SBF2: variants seen among roughly 807,000 people sequenced by gnomAD.
SBF2 encodes SET binding factor 2.
In SBF2, 112 loss-of-function variants were observed where a neutral mutation model predicts 225.2. That is an observed-to-expected ratio of 0.50 (90% CI 0.43 to 0.58). The LOEUF (loss-of-function observed/expected upper bound fraction) is 0.58, where lower values mean the gene tolerates loss of function less well. Ranked by LOEUF, SBF2 falls within the 20% of genes least tolerant of loss-of-function variation. The pLI is 0.00. For missense variants in SBF2, 1,996 were observed against 2,206.2 expected (o/e 0.90, Z 1.91); for synonymous variants, 763 against 773.3 (o/e 0.99, Z 0.22).
At chr11:10,126,886 C>T (rs966111973) in intron 2 of SBF2, among the ~76,000 whole-genome samples, 2 of 151,962 alleles carry the variant, frequency 1.3e-5, no homozygotes, top group African/African-American at 4.8e-5. Context: ...ACTTGCTATA[C>T]CATGGATGAC....
At chr11:10,168,110 A>G (rs561226241) in intron 2 of SBF2, among the ~76,000 whole-genome samples, 15 of 152,344 alleles carry the variant, frequency 9.8e-5, no homozygotes, top group African/African-American at 3.6e-4. Context: ...CACATACTAC[A>G]TAATTTACTA....
At chr11:10,078,793 T>G (rs1198848971) in intron 2 of SBF2, among the ~76,000 whole-genome samples, 1 of 151,872 alleles carries the variant, frequency 6.6e-6, no homozygotes, top group African/African-American at 2.4e-5. Context: ...AAAAACAAAT[T>G]TAAAAAAATT....
At chr11:9,781,448 G>A in intron 39 of SBF2, 59 bp downstream of exon 39, 3 of 1,604,348 alleles carry the variant, frequency 1.9e-6, no homozygotes, top group African/African-American at 2.7e-5. Flanking sequence ...CATCATTCTT[G>A]GAGACAGACA....
intron 3 of SBF2, among the ~76,000 whole-genome samples, chr11:10,031,494 A>C (rs1949257730): frequency 6.6e-6 from 1 of 152,202 alleles, no homozygotes; most frequent in South Asian, 2.1e-4. Flanking sequence ...ATAGTGACCC[A>C]ATTAAAAATT....
At chr11:9,942,907 GAAAGAAAGAAAGAA>G (rs768489791) in intron 16 of SBF2, among the ~76,000 whole-genome samples, 7 of 45,618 alleles carry the variant, frequency 1.5e-4, no homozygotes, top group Admixed American at 5.4e-4. Flanking sequence ...GAGAGAGAAA[GAAAGAAAGAAAGAA>G]AGAAAGAAAG....
intron 33 of SBF2, among the ~76,000 whole-genome samples, chr11:9,794,999 A>G (rs1004241988): frequency 1.3e-5 from 2 of 152,212 alleles, no homozygotes; most frequent in African/African-American, 4.8e-5. Context: ...CTTGGAATTA[A>G]GAGTCCTCTT....
At chr11:9,800,268 T>C (rs1051429539) in intron 32 of SBF2, among the ~76,000 whole-genome samples, 2 of 152,132 alleles carry the variant, frequency 1.3e-5, no homozygotes, top group African/African-American at 2.4e-5. Flanking sequence ...TTTCTTATTA[T>C]TGAATTTTAA....
intron 16 of SBF2, among the ~76,000 whole-genome samples, chr11:9,932,326 T>C (rs987090976): frequency 6.6e-6 from 1 of 151,990 alleles, no homozygotes; most frequent in African/African-American, 2.4e-5. Flanking sequence ...AGACACAGAA[T>C]TGTCAGATTC....
chr11:10,177,890 T>C (rs1429685008), intron 2 of SBF2, among the ~76,000 whole-genome samples: 1 of 149,774 alleles, frequency 6.7e-6, no homozygotes, highest in Non-Finnish European at 1.5e-5. Context: ...GCCAAGACAA[T>C]CCTAAGCCAA....
At chr11:10,208,927 G>A (rs957468893) in intron 1 of SBF2, among the ~76,000 whole-genome samples, 3 of 152,052 alleles carry the variant, frequency 2.0e-5, no homozygotes, top group African/African-American at 7.2e-5. Context: ...GATAAGACTA[G>A]TACATAGCAA....
chr11:9,904,181 G>C (rs1187775824), intron 16 of SBF2, among the ~76,000 whole-genome samples: 3 of 151,816 alleles, frequency 2.0e-5, no homozygotes, highest in Non-Finnish European at 4.4e-5. Flanking sequence ...TCTAAAAACA[G>C]AATCTAAATA....
chr11:9,911,198 C>G lies in SBF2; in HGVS notation c.1861-15187G>C, dbSNP rs191725676. On this transcript the variant is annotated intron_variant, in intron 16 of 39. Coordinates refer to ENST00000256190, the MANE Select transcript of SBF2 (RefSeq NM_030962.4). ...CTGGCCAAGATTGGTGAAACCCCGTCTCTACTAAAAATACAAAAAATTAGT... is the reference window on the plus strand; with the variant it reads ...CTGGCCAAGATTGGTGAAACCCCGTGTCTACTAAAAATACAAAAAATTAGT... Among the ~76,000 whole-genome samples the G allele has an allele frequency of 5.3e-5, 8 of 151,888 alleles. No homozygotes were observed. In the East Asian group the frequency reaches 1.4e-3, roughly 26 times the overall value.
In SBF2 at chr11:9,883,430, A is replaced by G. The variant is rs183757437; in HGVS notation, c.1929+12513T>C. 1.9e-3 allele frequency among the ~76,000 whole-genome samples: 296 copies of G among 152,238 alleles called. 1 individual carries two copies. The highest frequency in any genetic ancestry group is 3.4e-3 in the Middle Eastern group (1 of 294). On this transcript the variant is annotated intron_variant, in intron 17 of 39. Transcript: ENST00000256190. ...TCCAGCTCTGTCCCCCAAAACAACC[A>G]TTTTATTACCTCTCACTAGTCTATG... is the stretch of plus-strand genomic sequence containing the variant.
chr11:10,300,616 T>G (rs1193264999), intron 1 of SBF2, among the ~76,000 whole-genome samples: 1 of 152,032 alleles, frequency 6.6e-6, no homozygotes, highest in Non-Finnish European at 1.5e-5. Context: ...AGCATGATGG[T>G]TGCTTTCATT....
At chr11:10,084,931 G>C (rs1951503395) in intron 2 of SBF2, among the ~76,000 whole-genome samples, 2 of 152,174 alleles carry the variant, frequency 1.3e-5, no homozygotes, top group Admixed American at 1.3e-4. Context: ...GACTCAGACA[G>C]GTGAGGAGCT....
chr11:9,925,873 G>T (rs1590475995), intron 16 of SBF2, among the ~76,000 whole-genome samples: 2 of 152,142 alleles, frequency 1.3e-5, no homozygotes, highest in African/African-American at 4.8e-5. Context: ...TATGGCAGGG[G>T]ACATCAAATC....
At chr11:9,932,015 G>A (rs974444104) in intron 16 of SBF2, among the ~76,000 whole-genome samples, 65 of 152,042 alleles carry the variant, frequency 4.3e-4, no homozygotes, top group Non-Finnish European at 2.8e-4. Flanking sequence ...TCGATCAACT[G>A]GAAGAAAGGG....
chr11:10,282,394 A>G (rs1049816048), intron 1 of SBF2, among the ~76,000 whole-genome samples: 16 of 152,222 alleles, frequency 1.1e-4, no homozygotes, highest in African/African-American at 3.9e-4. Context: ...TTTGACAATC[A>G]GCTGGCTACT....
At chr11:10,006,184 C>A (rs1336885832) in intron 6 of SBF2, among the ~76,000 whole-genome samples, 2 of 152,220 alleles carry the variant, frequency 1.3e-5, no homozygotes, top group African/African-American at 2.4e-5. Flanking sequence ...GCAAGTCAGC[C>A]TCTTTTGCTT....
Sources: allele counts gnomAD v4.1 joint callset (sites outside exome capture counted in the v4.1 genomes callset), GRCh38; gene constraint gnomAD v4.1.1; transcripts MANE v1.5; gene names NCBI Gene and HGNC (gene_info 2026-07-23, HGNC 2026-07-21).